TIGD1: variants seen among roughly 807,000 people sequenced by gnomAD.
The protein encoded by TIGD1 is tigger transposable element-derived protein 1.
Under a neutral mutation model 21.3 loss-of-function variants are expected in TIGD1, and 20 were observed. That is an observed-to-expected ratio of 0.94 (90% confidence interval 0.66 to 1.36). TIGD1 has a LOEUF of 1.36. TIGD1 is among the 40% of genes most tolerant of loss of function. The pLI is 0.00. For missense variants in TIGD1, 556 were observed against 350.5 expected, an observed-to-expected ratio of 1.59 and a Z score of -4.68; for synonymous variants, 177 against 123.2, an observed-to-expected ratio of 1.44 and a Z score of -2.89.
Position 232,545,783 on chromosome 2 carries a change from G to A in TIGD1, c.*2324C>T, listed in dbSNP as rs980712487. On this transcript the variant is annotated 3_prime_UTR_variant, in exon 1 of 1. Transcript: ENST00000408957. ...GGTCACACTGAGTCTTATCAGCCAC[G>A]TTCTCCTACTGAGGTCCTAAGTGTG... The A allele has an allele frequency of 3.8e-5, 59 of 1,551,710 alleles. No individual in the cohort carries two copies. The highest frequency in any genetic ancestry group is 3.4e-4 in the Middle Eastern group (2 of 5,954).
In TIGD1 at chr2:232,546,621, G is replaced by A. The variant is rs1484645026; in HGVS notation, c.*1486C>T. ...TTGAGTCTTGGGATTACAGGCATAAGCCACTGTACCTGGCCTCCTTTTTAA... is the reference window on the plus strand; with the variant it reads ...TTGAGTCTTGGGATTACAGGCATAAACCACTGTACCTGGCCTCCTTTTTAA... On this transcript the variant is annotated 3_prime_UTR_variant, in exon 1 of 1. Transcript: ENST00000408957. 6.6e-6 allele frequency among the ~76,000 whole-genome samples: 1 copy of A among 152,072 alleles called. No individual in the cohort carries two copies. The highest frequency in any genetic ancestry group is 1.5e-5 in the Non-Finnish European group (1 of 68,008).
rs1456996566 is a variant in TIGD1, at chr2:232,548,777, C to T, written c.1106G>A (p.Ser369Asn). 3 of 538,028 alleles carry T rather than the reference C, an allele frequency of 5.6e-6. No individual in the cohort carries two copies. Among genetic ancestry groups the T allele is most frequent in the Non-Finnish European group, 1.1e-5 (3 of 282,824 alleles). 33.3% of individuals were successfully genotyped at this position (538,028 alleles called of 1,614,324 possible). ...TCCTTTCCAGAAGGTTTTCAATTTG[C>T]TTTGCCCAGATCCATCAGAGACATC... The part of the protein sequence containing the change: ...DSDVSDGSGQ[S>N]KLKTFWKGFT... Residue 369 changes from serine to asparagine, a missense_variant, in exon 1 of 1, where the codon AGC becomes AAC. By Grantham distance (46) the Ser-to-Asn change is conservative (BLOSUM62 1). Transcript: ENST00000408957.
In TIGD1 at chr2:232,544,468, G is replaced by A. The variant is rs147318482; in HGVS notation, c.*3639C>T. On this transcript the variant is annotated 3_prime_UTR_variant, in exon 1 of 1. Transcript: ENST00000408957. ...AGTCCCGGCTACAGAATGGCTCCTC[G>A]GGATGGTCGATCACAACTGGGGAGG... The A allele has an allele frequency of 1.5e-5, 25 of 1,613,700 alleles. No homozygotes were observed. The highest frequency in any genetic ancestry group is 4.0e-5 in the African/African-American group (3 of 75,050).
rs1402012009 is a variant in TIGD1, at chr2:232,548,726, T to G, written c.1157A>C (p.Asn386Thr). ...KGFTILDAIK[N>T]IRDSWEEVKL... Reference sequence around the variant, plus strand: ...GACCTCCTCCCATGAATCACGAATGTTTTTAATGGCATCTAAAATGGTGAA... The same window carrying G: ...GACCTCCTCCCATGAATCACGAATGGTTTTAATGGCATCTAAAATGGTGAA... The change falls in exon 1 of 1, where the codon AAC (asparagine) becomes ACC (threonine). Residue 386 changes from asparagine to threonine, a missense_variant. Transcript: ENST00000408957. The G allele has an allele frequency of 2.0e-6, 1 of 500,592 alleles. No individual in the cohort carries two copies. The highest frequency in any genetic ancestry group is 3.8e-6 in the Non-Finnish European group (1 of 260,638). 31.0% of individuals were successfully genotyped at this position (500,592 alleles called of 1,614,324 possible).
rs1269324917 is a variant in TIGD1, at chr2:232,545,163, T to C, written c.*2944A>G. 1.3e-5 allele frequency among the ~76,000 whole-genome samples: 2 copies of C among 151,782 alleles called. No individual in the cohort carries two copies. Among genetic ancestry groups the C allele is most frequent in the African/African-American group, 4.8e-5 (2 of 41,300 alleles). ...AATACCAAAAATACCAAAAATTAGC[T>C]GGGTGTGGTGGCGGGCACCTGTATT... On this transcript the variant is annotated 3_prime_UTR_variant, in exon 1 of 1. Coordinates refer to ENST00000408957, the MANE Select transcript of TIGD1 (RefSeq NM_145702.4).
Position 232,545,843 on chromosome 2 carries a change from C to A in TIGD1, c.*2264G>T. 1 of 1,087,036 alleles carries A rather than the reference C, an allele frequency of 9.2e-7. No homozygotes were observed. Among genetic ancestry groups the A allele is most frequent in the Middle Eastern group, 2.0e-4 (1 of 4,992 alleles). The allele number at this position is 1,087,036 out of a possible 1,614,324, so 67.3% of individuals were successfully genotyped here. ...AAGTGCCCTTCAGGACTGTGTGAGCCAAACAGCCCTGAGAAAAGCTGGGGA... is the reference window on the plus strand; with the variant it reads ...AAGTGCCCTTCAGGACTGTGTGAGCAAAACAGCCCTGAGAAAAGCTGGGGA... On this transcript the variant is annotated 3_prime_UTR_variant, in exon 1 of 1. Transcript: ENST00000408957.
chr2:232,544,899 C>T lies in TIGD1; in HGVS notation c.*3208G>A. 1 of 1,613,918 alleles carries T rather than the reference C, an allele frequency of 6.2e-7. No individual in the cohort carries two copies. The highest frequency in any genetic ancestry group is 8.5e-7 in the Non-Finnish European group (1 of 1,179,974). On this transcript the variant is annotated 3_prime_UTR_variant, in exon 1 of 1. Coordinates refer to ENST00000408957, the MANE Select transcript of TIGD1 (RefSeq NM_145702.4). ...CCCGGCACCAGCAGAGTCACTTTGA[C>T]AATGTAAGCTGAGTCAGGGTGGGGT...
rs1692258698 is a variant in TIGD1, at chr2:232,550,448, G to A, written c.-566C>T. ...TGCTGCCTTTTTTCCGAGCCGCTGC[G>A]GGAGGGGGCCAGGACACGCTCCCTT... On this transcript the variant is annotated 5_prime_UTR_variant, in exon 1 of 1. Coordinates refer to ENST00000408957, the MANE Select transcript of TIGD1 (RefSeq NM_145702.4). 1 of 492,616 alleles carries A rather than the reference G, an allele frequency of 2.0e-6. No individual in the cohort carries two copies. The highest frequency in any genetic ancestry group is 4.2e-5 in the Admixed American group (1 of 23,562). 30.5% of individuals were successfully genotyped at this position (492,616 alleles called of 1,614,324 possible).
In TIGD1 at chr2:232,549,872, T is replaced by G. The variant is rs1389618966; in HGVS notation, c.11A>C (p.Lys4Thr). 3 of 1,478,412 alleles carry G rather than the reference T, an allele frequency of 2.0e-6. No individual in the cohort carries two copies. Among genetic ancestry groups the G allele is most frequent in the Non-Finnish European group, 2.7e-6 (3 of 1,099,352 alleles). 91.6% of individuals were successfully genotyped at this position (1,478,412 alleles called of 1,614,324 possible). The change falls in exon 1 of 1, where the codon AAG becomes ACG. Residue 4 changes from lysine (K) to threonine (T), a missense_variant. By Grantham distance (78) the Lys-to-Thr change is moderately conservative. Coordinates refer to ENST00000408957, the MANE Select transcript of TIGD1 (RefSeq NM_145702.4). ...GCGACTCTTCCTTTCACTTGAGCAC[T>G]TAGAGGCCATTGCAGAGTCATTAAT... MAS[K>T]CSSERKSRTS...
In TIGD1 at chr2:232,548,302, G is replaced by A. The variant is rs184548685; in HGVS notation, c.1581C>T (p.Ile527=). 508 of 1,512,418 alleles carry A rather than the reference G, an allele frequency of 3.4e-4. 1 individual carries two copies. The highest frequency in any genetic ancestry group is 7.5e-4 in the Admixed American group (37 of 49,136). 93.7% of individuals were successfully genotyped at this position (1,512,418 alleles called of 1,614,324 possible). Residue 527 remains isoleucine, a synonymous_variant, in exon 1 of 1, where the codon ATC becomes ATT. Coordinates refer to ENST00000408957, the MANE Select transcript of TIGD1 (RefSeq NM_145702.4). Reference sequence around the variant, plus strand: ...CATGAAAGATTTCTCTGTAGCATGCGATGCTGTTTGATAGCATTTTGCCCA... The same window carrying A: ...CATGAAAGATTTCTCTGTAGCATGCAATGCTGTTTGATAGCATTTTGCCCA... ...STVGKMLSNS[I]ACYREIFHER... is the part of the protein sequence containing the mutation.
chr2:232,549,660 G>C lies in TIGD1; in HGVS notation c.223C>G (p.Arg75Gly). 1 of 723,622 alleles carries C rather than the reference G, an allele frequency of 1.4e-6. No individual in the cohort carries two copies. The highest frequency in any genetic ancestry group is 2.5e-6 in the Non-Finnish European group (1 of 393,990). The allele number at this position is 723,622 out of a possible 1,614,324, so 44.8% of individuals were successfully genotyped here. ...TCCATATCAGCAATAAGGCTGTTTC[G>C]CTTTCTTATCATTCGTGTGTTCATT... ...TPMNTRMIRK[R>G]NSLIADMEKV... Residue 75 changes from arginine to glycine, a missense_variant, in exon 1 of 1, where the codon CGA (arginine) becomes GGA (glycine). Arg to Gly is a moderately radical substitution (Grantham distance 125). Transcript: ENST00000408957.
At position 232,545,643 on chromosome 2, in the gene TIGD1, T is replaced by A; in HGVS notation, c.*2464A>T. 6.2e-7 allele frequency: 1 copy of A among 1,614,174 alleles called. No homozygotes were observed. The highest frequency in any genetic ancestry group is 8.5e-7 in the Non-Finnish European group (1 of 1,180,026). ...TGTGGCACAGCTGGCATCTTCCTCA[T>A]GGCCCACTACAACCGGGTGCCGGCC... On this transcript the variant is annotated 3_prime_UTR_variant, in exon 1 of 1. Coordinates refer to ENST00000408957, the MANE Select transcript of TIGD1 (RefSeq NM_145702.4).
Position 232,545,670 on chromosome 2 carries a change from T to C in TIGD1, c.*2437A>G. On this transcript the variant is annotated 3_prime_UTR_variant, in exon 1 of 1. Coordinates refer to ENST00000408957, the MANE Select transcript of TIGD1 (RefSeq NM_145702.4). ...GCCCACTACAACCGGGTGCCGGCCC[T>C]GCCATTCCCTGGAGATCCACGCCCC... 6.2e-7 allele frequency: 1 copy of C among 1,614,160 alleles called. No homozygotes were observed. The highest frequency in any genetic ancestry group is 8.5e-7 in the Non-Finnish European group (1 of 1,180,036).
chr2:232,549,870 A>C lies in TIGD1; in HGVS notation c.13T>G (p.Cys5Gly), dbSNP rs1244069549. 6.7e-7 allele frequency: 1 copy of C among 1,491,820 alleles called. No homozygotes were observed. Among genetic ancestry groups the C allele is most frequent in the Non-Finnish European group, 9.0e-7 (1 of 1,109,814 alleles). The allele number at this position is 1,491,820 out of a possible 1,614,324, so 92.4% of individuals were successfully genotyped here. The change falls in exon 1 of 1, where the codon TGC becomes GGC. Residue 5 changes from cysteine to glycine, a missense_variant. Physicochemically the swap from Cys to Gly is radical, Grantham distance 159 (BLOSUM62 -3). Transcript: ENST00000408957. The stretch of plus-strand genomic sequence containing the variant: ...GTGCGACTCTTCCTTTCACTTGAGC[A>C]CTTAGAGGCCATTGCAGAGTCATTA... MASK[C>G]SSERKSRTSL...
chr2:232,545,797 G>A lies in TIGD1; in HGVS notation c.*2310C>T. 1.3e-6 allele frequency: 2 copies of A among 1,482,016 alleles called. No individual in the cohort carries two copies. The highest frequency in any genetic ancestry group is 1.9e-6 in the Non-Finnish European group (2 of 1,064,738). 91.8% of individuals were successfully genotyped at this position (1,482,016 alleles called of 1,614,324 possible). A position where few individuals can be genotyped will look rare whatever the true frequency, so the allele number is the denominator to read the frequency against. ...TTATCAGCCACGTTCTCCTACTGAG[G>A]TCCTAAGTGTGCTCTTTGGGAAGTG... On this transcript the variant is annotated 3_prime_UTR_variant, in exon 1 of 1. Transcript: ENST00000408957.
chr2:232,548,051 A>C lies in TIGD1; in HGVS notation c.*56T>G. 1.7e-6 allele frequency: 1 copy of C among 571,550 alleles called. No individual in the cohort carries two copies. The highest frequency in any genetic ancestry group is 3.1e-6 in the Non-Finnish European group (1 of 327,604). 35.4% of individuals were successfully genotyped at this position (571,550 alleles called of 1,614,324 possible). A position where few individuals can be genotyped will look rare whatever the true frequency, so the allele number is the denominator to read the frequency against. ...CAAGAGTGCAATAGCATTGTCTAAT[A>C]AAACAATATACATACCTAAATTTAA... On this transcript the variant is annotated 3_prime_UTR_variant, in exon 1 of 1. Transcript: ENST00000408957.
At position 232,544,840 on chromosome 2, in the gene TIGD1, G is replaced by C. The variant is rs1692094726; in HGVS notation, c.*3267C>G. Reference sequence around the variant, plus strand: ...GAAGCAGGCTGCCCCAGCCATCCAGGCCTGTGTGGAAGCCTGCAACCTCAT... The same window carrying C: ...GAAGCAGGCTGCCCCAGCCATCCAGCCCTGTGTGGAAGCCTGCAACCTCAT... On this transcript the variant is annotated 3_prime_UTR_variant, in exon 1 of 1. Coordinates refer to ENST00000408957, the MANE Select transcript of TIGD1 (RefSeq NM_145702.4). 1.2e-6 allele frequency: 2 copies of C among 1,613,840 alleles called. No individual in the cohort carries two copies. Among genetic ancestry groups the C allele is most frequent in the African/African-American group, 1.3e-5 (1 of 74,918 alleles).
At position 232,548,709 on chromosome 2, in the gene TIGD1, C is replaced by G. The variant is rs1359200835; in HGVS notation, c.1174G>C (p.Glu392Gln). 6.1e-6 allele frequency: 3 copies of G among 490,602 alleles called. No homozygotes were observed. The highest frequency in any genetic ancestry group is 4.7e-5 in the Admixed American group (2 of 42,742). The allele number at this position is 490,602 out of a possible 1,614,324, so 30.4% of individuals were successfully genotyped here. The change falls in exon 1 of 1, where the codon GAG (glutamate) becomes CAG (glutamine). Residue 392 changes from glutamate (E) to glutamine (Q), a missense_variant. Transcript: ENST00000408957. ...GTTAATGTTGACAATTTGACCTCCT[C>G]CCATGAATCACGAATGTTTTTAATG... ...DAIKNIRDSW[E>Q]EVKLSTLTGV...
At position 232,548,166 on chromosome 2, in the gene TIGD1, T is replaced by G. The variant is rs545746808; in HGVS notation, c.1717A>C (p.Thr573Pro). Residue 573 changes from threonine (T) to proline (P), a missense_variant, in exon 1 of 1, where the codon ACC becomes CCC. Physicochemically the swap from Thr to Pro is conservative, Grantham distance 38. Transcript: ENST00000408957. ...GCTGGTGGAGGGTCTTGCCTCGAGG[T>G]TGATGGTTGCTGACTGGTCAGGGTG... ...ATTLTSQQPS[T>P]SRQDPPPAKR... is the part of the protein sequence containing the mutation. The G allele has an allele frequency of 7.0e-7, 1 of 1,424,996 alleles. No homozygotes were observed. The highest frequency in any genetic ancestry group is 2.5e-5 in the East Asian group (1 of 39,810). 88.3% of individuals were successfully genotyped at this position (1,424,996 alleles called of 1,614,324 possible).
Sources: allele counts gnomAD v4.1 joint callset (sites outside exome capture counted in the v4.1 genomes callset), GRCh38; gene constraint gnomAD v4.1.1; transcripts MANE v1.5; gene names NCBI Gene and HGNC (gene_info 2026-07-23, HGNC 2026-07-21).